DLG2: variants seen among roughly 807,000 people sequenced by gnomAD.
DLG2 encodes the protein discs large MAGUK scaffold protein 2.
Under a neutral mutation model 132.5 loss-of-function variants are expected in DLG2, and 45 were observed. The ratio of observed to expected loss-of-function variants is 0.34; its 90% confidence interval spans 0.27 to 0.44. The LOEUF (loss-of-function observed/expected upper bound fraction) is 0.44. DLG2 is among the 20% of genes least tolerant of loss of function. DLG2 has a pLI of 1.00. For missense variants in DLG2, 1,045 were observed against 1,196.9 expected (o/e 0.87, Z 1.87); for synonymous variants, 424 against 419.6 (o/e 1.01, Z -0.13).
chr11:84,856,864 A>C lies in DLG2; in HGVS notation c.357+254797T>G, dbSNP rs1221849040. 1.3e-5 allele frequency among the ~76,000 whole-genome samples: 2 copies of C among 150,434 alleles called. 1 individual carries two copies. Among genetic ancestry groups the C allele is most frequent in the Non-Finnish European group, 3.0e-5 (2 of 67,314 alleles). On this transcript the variant is annotated intron_variant, in intron 6 of 27. Coordinates refer to ENST00000376104, the MANE Select transcript of DLG2 (RefSeq NM_001142699.3). The stretch of plus-strand genomic sequence containing the variant: ...GTTCTTGTTAAATAAGAAAAGAGTA[A>C]AGAAAATAAATCTGAGGAGGCTGAA...
intron 3 of DLG2, chr11:85,336,371 T>G (rs750751636): frequency 2.6e-5 from 4 of 152,984 alleles, no homozygotes; most frequent in Admixed American, 6.5e-5. Context: ...GATCCCCCCC[T>G]GCCAAATTTT....
In DLG2 at chr11:83,880,112, C is replaced by G. The variant is rs116182847; in HGVS notation, c.1497-5624G>C. Among the ~76,000 whole-genome samples the G allele has an allele frequency of 1.5e-3, 227 of 152,194 alleles. 1 individual carries two copies. The highest frequency in any genetic ancestry group is 5.3e-3 in the African/African-American group (218 of 41,520). ...GCCAGGGGTAAGGTCAGGAAGCTGA[C>G]TGTGGATGGGCAATGAGGGACAATG... On this transcript the variant is annotated intron_variant, in intron 15 of 27. Coordinates refer to ENST00000376104, the MANE Select transcript of DLG2 (RefSeq NM_001142699.3).
intron 6 of DLG2, among the ~76,000 whole-genome samples, chr11:84,826,036 T>C (rs1388762643): frequency 6.6e-6 from 1 of 151,878 alleles, no homozygotes; most frequent in Non-Finnish European, 1.5e-5. Flanking sequence ...CTCCTCACCA[T>C]GCATTCTATC....
chr11:84,631,067 G>A (rs1216183808), intron 6 of DLG2, among the ~76,000 whole-genome samples: 3 of 113,302 alleles, frequency 2.6e-5, no homozygotes, highest in South Asian at 3.3e-4. Context: ...CAGAAACCAC[G>A]TTTTGTTTCT....
At chr11:84,313,647 A>AAGAAAGAAAGAC (rs1334870064) in intron 7 of DLG2, among the ~76,000 whole-genome samples, 2 of 126,746 alleles carry the variant, frequency 1.6e-5, no homozygotes, top group Non-Finnish European at 1.8e-5. Context: ...GAGAAAAAGA[A>AAGAAAGAAAGAC]AGAAAGAAAG....
chr11:84,978,447 G>T (rs1030180540), intron 6 of DLG2, among the ~76,000 whole-genome samples: 1 of 152,116 alleles, frequency 6.6e-6, no homozygotes, highest in Non-Finnish European at 1.5e-5. Context: ...CATGGTACTG[G>T]TACCAAAACA....
At chr11:85,276,195 G>A (rs1003657938) in intron 4 of DLG2, among the ~76,000 whole-genome samples, 1 of 152,106 alleles carries the variant, frequency 6.6e-6, no homozygotes, top group African/African-American at 2.4e-5. Context: ...TTCAAAGTTG[G>A]ATTGACCTCC....
chr11:84,898,422 T>C (rs2090471390), intron 6 of DLG2, among the ~76,000 whole-genome samples: 1 of 151,970 alleles, frequency 6.6e-6, no homozygotes, highest in Admixed American at 6.6e-5. Context: ...CCTCTACCAC[T>C]TTCTTGAAAG....
At chr11:84,807,215 G>A (rs1192607265) in intron 6 of DLG2, among the ~76,000 whole-genome samples, 1 of 152,180 alleles carries the variant, frequency 6.6e-6, no homozygotes, top group Non-Finnish European at 1.5e-5. Context: ...GGAGACCAAG[G>A]CAGGCAGATC....
chr11:85,131,247 G>A (rs2075683236), intron 5 of DLG2, among the ~76,000 whole-genome samples: 2 of 152,006 alleles, frequency 1.3e-5, no homozygotes, highest in Admixed American at 1.3e-4. Flanking sequence ...GATTTAATTT[G>A]TATAATATAG....
At chr11:84,570,328 C>G (rs2099476830) in intron 6 of DLG2, among the ~76,000 whole-genome samples, 1 of 152,140 alleles carries the variant, frequency 6.6e-6, no homozygotes, top group African/African-American at 2.4e-5. Flanking sequence ...CAGGAAGGTC[C>G]TCCTGTCTTC....
chr11:85,471,619 C>G (rs963188672), intron 3 of DLG2, among the ~76,000 whole-genome samples: 1 of 151,912 alleles, frequency 6.6e-6, no homozygotes, highest in East Asian at 1.9e-4. Context: ...TAAAGAGAAA[C>G]AACTAGTATA....
In DLG2 at chr11:84,980,134, G is replaced by T. The variant is rs957452699; in HGVS notation, c.357+131527C>A. 2.8e-4 allele frequency among the ~76,000 whole-genome samples: 43 copies of T among 152,170 alleles called. 2 individuals are homozygous for T. Among genetic ancestry groups the T allele is most frequent in the Admixed American group, 2.8e-3 (42 of 15,264 alleles). On this transcript the variant is annotated intron_variant, in intron 6 of 27. Transcript: ENST00000376104. Reference sequence around the variant, plus strand: ...AAATAGCTATAAAGCATACCATCGTGTCAAGTAGTCAGTTGTAATACTTAA... The same window carrying T: ...AAATAGCTATAAAGCATACCATCGTTTCAAGTAGTCAGTTGTAATACTTAA...
chr11:85,247,302 T>G (rs1415287718), intron 4 of DLG2, among the ~76,000 whole-genome samples: 3 of 152,098 alleles, frequency 2.0e-5, no homozygotes, highest in Non-Finnish European at 4.4e-5. Context: ...CTACTGCTGC[T>G]GCATTTGCCT....
intron 7 of DLG2, among the ~76,000 whole-genome samples, chr11:84,505,875 T>C (rs1347997016): frequency 6.6e-6 from 1 of 152,088 alleles, no homozygotes; most frequent in Non-Finnish European, 1.5e-5. Flanking sequence ...ACATCTTAGC[T>C]TAACTTTCTG....
intron 14 of DLG2, among the ~76,000 whole-genome samples, chr11:83,951,957 T>C (rs893258660): frequency 6.6e-6 from 1 of 152,082 alleles, no homozygotes; most frequent in African/African-American, 2.4e-5. Flanking sequence ...GTTGATGGAC[T>C]GCATATAGAA....
chr11:83,483,481 G>C (rs2093290497), intron 22 of DLG2, among the ~76,000 whole-genome samples: 1 of 151,974 alleles, frequency 6.6e-6, no homozygotes, highest in South Asian at 2.1e-4. Context: ...TGAGATTCAA[G>C]AAGGAAATTT....
chr11:83,790,065 G>T, intron 17 of DLG2: 2 of 1,213,820 alleles, frequency 1.6e-6, no homozygotes, highest in South Asian at 1.8e-5. Flanking sequence ...AAAACAAAAT[G>T]ACACAGGTAC....
chr11:85,429,473 T>C (rs1483527571), intron 3 of DLG2, among the ~76,000 whole-genome samples: 1 of 152,152 alleles, frequency 6.6e-6, no homozygotes, highest in Non-Finnish European at 1.5e-5. Context: ...AACAAAGGGC[T>C]GATATGCAGA....
Sources: gnomAD v4.1 joint callset for allele counts (sites outside exome capture counted in the v4.1 genomes callset) on GRCh38, gnomAD v4.1.1 for gene constraint, MANE v1.5 for transcripts, NCBI Gene and HGNC (gene_info 2026-07-23, HGNC 2026-07-21) for gene names.